RPE65: variants seen among roughly 807,000 people sequenced by gnomAD.
The protein encoded by RPE65 is retinoid isomerohydrolase.
Under a neutral mutation model 68.5 loss-of-function variants are expected in RPE65, and 58 were observed. The observed-to-expected ratio is 0.85, with a 90% CI of 0.69 to 1.05. The LOEUF is 1.05. RPE65 is among the 50% of genes least tolerant of loss of function. The pLI, the probability that RPE65 is intolerant of heterozygous loss-of-function variation, is 0.00. For missense variants in RPE65, 643 were observed against 629.9 expected (o/e 1.02, Z -0.22); for synonymous variants, 220 against 222.2 (o/e 0.99, Z 0.09).
intron 10 of RPE65, among the ~76,000 whole-genome samples, chr1:68,436,479 T>C (rs993284654): frequency 6.6e-6 from 1 of 151,380 alleles, no homozygotes; most frequent in Non-Finnish European, 1.5e-5. Flanking sequence ...TATTTATTTA[T>C]TTATTTATGA....
intron 10 of RPE65, among the ~76,000 whole-genome samples, chr1:68,435,739 T>C (rs1041292630): frequency 6.6e-6 from 1 of 152,178 alleles, no homozygotes; most frequent in African/African-American, 2.4e-5. Flanking sequence ...ATAACTATGT[T>C]CCATTAATCT....
rs1265104379 is a variant in RPE65 at position 68,429,081 on chromosome 1, C to T, written c.*695G>A. 2 of 152,004 alleles carry T rather than the reference C, an allele frequency of 1.3e-5. No homozygotes were observed. The highest frequency in any genetic ancestry group is 4.8e-5 in the African/African-American group (2 of 41,388). The allele number at this position is 152,004 out of a possible 1,614,324, so 9.4% of individuals were successfully genotyped here. On this transcript the variant is annotated 3_prime_UTR_variant, in exon 14 of 14. Transcript: ENST00000262340. ...TTAAATATAGTCACTACTATATGTACTTGCTTTTATGTTACATAAGCTTTT... is the reference window on the plus strand; with the variant it reads ...TTAAATATAGTCACTACTATATGTATTTGCTTTTATGTTACATAAGCTTTT...
At position 68,429,731 on chromosome 1, in the gene RPE65, A is replaced by AT. The variant is rs775814825; in HGVS notation, c.*44dup. 2 of 1,612,022 alleles carry AT rather than the reference A, an allele frequency of 1.2e-6. No homozygotes were observed. Among genetic ancestry groups the AT allele is most frequent in the Admixed American group, 3.3e-5 (2 of 59,870 alleles). On this transcript the variant is annotated 3_prime_UTR_variant, in exon 14 of 14. Coordinates refer to ENST00000262340, the MANE Select transcript of RPE65 (RefSeq NM_000329.3). ...GAATTTGATTGCAGACCTGAAGCTG[A>AT]TTTTCTCAGTTTTGCTACCAAAAAC...
At chr1:68,440,473 T>C (rs1473012749) in intron 6 of RPE65, among the ~76,000 whole-genome samples, 2 of 152,248 alleles carry the variant, frequency 1.3e-5, no homozygotes, top group African/African-American at 4.8e-5. Flanking sequence ...CATATATGTA[T>C]GTATGCTATT....
intron 5 of RPE65, 148 bp from the exon 6 acceptor site, chr1:68,441,148 C>A: frequency 1.1e-6 from 1 of 932,822 alleles, no homozygotes. Flanking sequence ...TACCCTCTTT[C>A]ACCTTGAGTT....
Position 68,440,977 on chromosome 1 carries a change from A to G in RPE65, c.519T>C (p.Ser173=). 6.2e-7 allele frequency: 1 copy of G among 1,613,978 alleles called. No homozygotes were observed. The highest frequency in any genetic ancestry group is 8.5e-7 in the Non-Finnish European group (1 of 1,179,884). The change falls in exon 6 of 14, where the codon TCT becomes TCC. Residue 173 remains serine, a synonymous_variant. Coordinates refer to ENST00000262340, the MANE Select transcript of RPE65 (RefSeq NM_000329.3). ...IKQVDLCNYV[S]VNGATAHPHI... ...GGGGGTGAGCAGTGGCCCCATTGAC[A>G]GAGACATAGTTGCAAAGATCAACCT...
rs1231370695 is a variant in RPE65, at chr1:68,431,325, G to A, written c.1295C>T (p.Thr432Ile). ...NYQKYCGKPY[T>I]YAYGLGLNHF... Reference sequence around the variant, plus strand: ...ATTCAAGCCAAGTCCATACGCATATGTGTAAGGTTTCCCACAATACTTCTG... The same window carrying A: ...ATTCAAGCCAAGTCCATACGCATATATGTAAGGTTTCCCACAATACTTCTG... The change falls in exon 12 of 14, where the codon ACA becomes ATA. Residue 432 changes from threonine (T) to isoleucine (I), a missense_variant. Physicochemically the swap from Thr to Ile is moderately conservative, Grantham distance 89. Coordinates refer to ENST00000262340, the MANE Select transcript of RPE65 (RefSeq NM_000329.3). 6.2e-7 allele frequency: 1 copy of A among 1,614,006 alleles called. No individual in the cohort carries two copies. The highest frequency in any genetic ancestry group is 1.7e-5 in the Admixed American group (1 of 59,988).
chr1:68,439,884 G>T (rs1645887928), intron 6 of RPE65, among the ~76,000 whole-genome samples: 1 of 152,186 alleles, frequency 6.6e-6, no homozygotes, highest in Non-Finnish European at 1.5e-5. Flanking sequence ...GTGGCAAGTG[G>T]AGTGTAGTGG....
chr1:68,443,820 G>A (rs12077372), intron 5 of RPE65, among the ~76,000 whole-genome samples: 9,017 of 152,202 alleles, frequency 0.059, 412 homozygotes, highest in Admixed American at 0.15. Context: ...GGTTCAAAAT[G>A]TGTATCTAAG....
chr1:68,440,749 TA>T, intron 6 of RPE65, 103 bp downstream of exon 6: 1 of 1,445,158 alleles, frequency 6.9e-7, no homozygotes. Context: ...GTAATTTAAC[TA>T]TGCACAAAAT....
intron 5 of RPE65, among the ~76,000 whole-genome samples, chr1:68,441,849 A>G (rs1248784270): frequency 2.6e-5 from 4 of 152,178 alleles, no homozygotes; most frequent in Non-Finnish European, 2.9e-5. Flanking sequence ...TAGCAACCTT[A>G]TTTAAATAAT....
Position 68,429,213 on chromosome 1 carries a change from A to C in RPE65, c.*563T>G, listed in dbSNP as rs1462840444. On this transcript the variant is annotated 3_prime_UTR_variant, in exon 14 of 14. Transcript: ENST00000262340. ...GAAATAATAGTACTTGCTTGTAATA[A>C]ACGGAAAGGTTAACATTCATAAGAT... The C allele has an allele frequency of 6.5e-6, 1 of 152,964 alleles. No homozygotes were observed. Among genetic ancestry groups the C allele is most frequent in the East Asian group, 1.9e-4 (1 of 5,208 alleles). 9.5% of individuals were successfully genotyped at this position (152,964 alleles called of 1,614,324 possible).
chr1:68,428,835 T>C lies in RPE65; in HGVS notation c.*941A>G, dbSNP rs1645800051. The C allele has an allele frequency of 6.6e-6, 1 of 152,110 alleles. No individual in the cohort carries two copies. Among genetic ancestry groups the C allele is most frequent in the Admixed American group, 6.6e-5 (1 of 15,252 alleles). 9.4% of individuals were successfully genotyped at this position (152,110 alleles called of 1,614,324 possible). On this transcript the variant is annotated 3_prime_UTR_variant, in exon 14 of 14. Coordinates refer to ENST00000262340, the MANE Select transcript of RPE65 (RefSeq NM_000329.3). ...AGATATAAAACATTATTTTTGTCAA[T>C]ATTTATTTTTAAACAATCTCTGGAA... is the stretch of plus-strand genomic sequence containing the variant.
intron 2 of RPE65, 46 bp downstream of exon 2, chr1:68,448,578 A>AGAGAG (rs1416292080): frequency 6.4e-7 from 1 of 1,554,216 alleles, no homozygotes; most frequent in African/African-American, 1.4e-5. Context: ...GCCAGAGAAG[A>AGAGAG]GAGACTGACA....
intron 10 of RPE65, among the ~76,000 whole-genome samples, chr1:68,436,486 A>G (rs913251320): frequency 6.8e-6 from 1 of 147,898 alleles, no homozygotes; most frequent in African/African-American, 2.5e-5. Context: ...TTATTTATTT[A>G]TGATGGAATT....
At chr1:68,441,403 C>T (rs1043827055) in intron 5 of RPE65, among the ~76,000 whole-genome samples, 1 of 151,684 alleles carries the variant, frequency 6.6e-6, no homozygotes, top group Non-Finnish European at 1.5e-5. Flanking sequence ...ATGTCAATTT[C>T]GTATGGTACT....
At chr1:68,447,173 A>T (rs951784630) in intron 2 of RPE65, among the ~76,000 whole-genome samples, 1 of 152,206 alleles carries the variant, frequency 6.6e-6, no homozygotes, top group African/African-American at 2.4e-5. Context: ...CCCAAACACC[A>T]ATCCATTTGC....
At chr1:68,432,252 A>C (rs1313670477) in intron 10 of RPE65, among the ~76,000 whole-genome samples, 3 of 152,048 alleles carry the variant, frequency 2.0e-5, no homozygotes, top group African/African-American at 7.2e-5. Flanking sequence ...TGTTTTGGAG[A>C]GTGAAGTCCC....
intron 3 of RPE65, among the ~76,000 whole-genome samples, 196 bp from the exon 4 acceptor site, chr1:68,445,079 T>A (rs1263892189): frequency 6.6e-6 from 1 of 152,088 alleles, no homozygotes; most frequent in Non-Finnish European, 1.5e-5. Context: ...TGAGTTTACG[T>A]TTTTATCTTT....
Sources: gnomAD v4.1 joint callset for allele counts (sites outside exome capture counted in the v4.1 genomes callset) on GRCh38, gnomAD v4.1.1 for gene constraint, MANE v1.5 for transcripts, NCBI Gene and HGNC (gene_info 2026-07-23, HGNC 2026-07-21) for gene names.